The following DOCK10 variants were observed in gnomAD, a reference collection of about 807,000 sequenced individuals.
DOCK10 encodes the protein dedicator of cytokinesis protein 10.
Under a neutral mutation model 280.1 loss-of-function variants are expected in DOCK10, and 145 were observed. The ratio of observed to expected loss-of-function variants is 0.52; its 90% CI spans 0.45 to 0.59. The LOEUF (loss-of-function observed/expected upper bound fraction) is 0.59, where lower values mean the gene tolerates loss of function less well. DOCK10 is among the 20% of genes least tolerant of loss of function. The pLI, the probability that DOCK10 is intolerant of heterozygous loss-of-function variation, is 0.00. For synonymous variants in DOCK10, 915 were observed against 942.2 expected, an observed-to-expected ratio of 0.97 and a Z score of 0.53; for missense variants, 2,368 against 2,651.7, an observed-to-expected ratio of 0.89 and a Z score of 2.35.
intron 1 of DOCK10, among the ~76,000 whole-genome samples, chr2:225,025,185 C>A (rs901756879): frequency 6.6e-6 from 1 of 152,018 alleles, no homozygotes. Flanking sequence ...GAGGAGATAT[C>A]GAGTGAGAAG....
Position 224,852,284 on chromosome 2 carries a change from A to G in DOCK10, c.2142+93T>C, listed in dbSNP as rs1433903490. 10 of 931,546 alleles carry G rather than the reference A, an allele frequency of 1.1e-5. No homozygotes were observed. The Admixed American group carries it at 1.6e-4, about 15-fold the overall frequency. 57.7% of individuals were successfully genotyped at this position (931,546 alleles called of 1,614,324 possible). A position where few individuals can be genotyped will look rare whatever the true frequency, so the allele number is the denominator to read the frequency against. ...AATGTATTAAATTACTGCTCTTTCA[A>G]CCACACTCACATAAAAAGCCCTGCA... On this transcript the variant is annotated intron_variant, in intron 18 of 55. Transcript: ENST00000258390.
intron 55 of DOCK10, among the ~76,000 whole-genome samples, chr2:224,766,944 C>T (rs1245152260): frequency 6.6e-6 from 1 of 152,186 alleles, no homozygotes; most frequent in Non-Finnish European, 1.5e-5. Context: ...TGTCTTGTCT[C>T]GTTCCTTATA....
At chr2:224,992,324 C>T (rs549704342) in intron 1 of DOCK10, among the ~76,000 whole-genome samples, 7 of 152,168 alleles carry the variant, frequency 4.6e-5, no homozygotes, top group Non-Finnish European at 1.0e-4. Context: ...GAATTGCTTT[C>T]CAAACATGAA....
chr2:225,007,483 G>A (rs16866456), intron 1 of DOCK10, among the ~76,000 whole-genome samples: 5,315 of 152,214 alleles, frequency 0.035, 196 homozygotes, highest in African/African-American at 0.095. Context: ...TGTACTTTAA[G>A]GAGGATTAAA....
Position 224,767,510 on chromosome 2 carries a change from C to A in DOCK10, c.6445-1673G>T, listed in dbSNP as rs564779002. ...CCCTGGGATTAAAGAAGTATGTAGACAACTTCTATGTTTTTTTAAAGACTA... is the reference window on the plus strand; with the variant it reads ...CCCTGGGATTAAAGAAGTATGTAGAAAACTTCTATGTTTTTTTAAAGACTA... On this transcript the variant is annotated intron_variant, in intron 55 of 55. Transcript: ENST00000258390. 9.7e-4 allele frequency among the ~76,000 whole-genome samples: 147 copies of A among 152,260 alleles called. 1 individual carries two copies. The highest frequency in any genetic ancestry group is 3.4e-3 in the African/African-American group (143 of 41,542).
At chr2:224,876,013 G>A in intron 8 of DOCK10, 25 bp downstream of exon 8, 1 of 1,601,040 alleles carries the variant, frequency 6.2e-7, no homozygotes. Flanking sequence ...GACAAAGGAA[G>A]GAAGACGGCT....
chr2:224,923,651 C>T (rs1575065763), intron 2 of DOCK10, among the ~76,000 whole-genome samples: 1 of 152,194 alleles, frequency 6.6e-6, no homozygotes, highest in African/African-American at 2.4e-5. Flanking sequence ...CAGCTCTCAC[C>T]GGCTCCATCC....
chr2:225,035,564 AT>A (rs1559986394), intron 1 of DOCK10, among the ~76,000 whole-genome samples: 4 of 55,656 alleles, frequency 7.2e-5, no homozygotes, highest in East Asian at 6.5e-4. Flanking sequence ...ATATATATAT[AT>A]ATATATATAT....
In DOCK10 at chr2:224,880,394, AT is replaced by A. The variant is rs1210782623; in HGVS notation, c.748-4174del. 2.0e-5 allele frequency among the ~76,000 whole-genome samples: 3 copies of A among 152,318 alleles called. No homozygotes were observed. In the East Asian group the frequency reaches 5.8e-4, roughly 29 times the overall value. On this transcript the variant is annotated intron_variant, in intron 7 of 55. Transcript: ENST00000258390. ...TGTCTGTAATCTCAAAGATAATGTC[AT>A]ATAGAATAGCAAAAAGGGCAAAAAT...
At chr2:225,024,242 T>A (rs915041005) in intron 1 of DOCK10, among the ~76,000 whole-genome samples, 1 of 152,236 alleles carries the variant, frequency 6.6e-6, no homozygotes, top group Non-Finnish European at 1.5e-5. Flanking sequence ...CAATAGTGGG[T>A]TAATTGTCAA....
chr2:224,901,821 C>T (rs1700316351), intron 3 of DOCK10, among the ~76,000 whole-genome samples: 4 of 152,332 alleles, frequency 2.6e-5, no homozygotes, highest in Admixed American at 1.3e-4. Flanking sequence ...TGACCATGAA[C>T]GGAGAGCCTT....
At chr2:225,013,260 T>C (rs1359762720) in intron 1 of DOCK10, among the ~76,000 whole-genome samples, 2 of 152,146 alleles carry the variant, frequency 1.3e-5, no homozygotes, top group African/African-American at 4.8e-5. Context: ...AAATTTTCAG[T>C]ACCCTATAGG....
At chr2:224,942,645 A>G (rs1212722433) in intron 1 of DOCK10, among the ~76,000 whole-genome samples, 1 of 152,238 alleles carries the variant, frequency 6.6e-6, no homozygotes, top group Non-Finnish European at 1.5e-5. Context: ...AAGATTCAAG[A>G]AGAAAAAACT....
chr2:225,032,596 T>C lies in DOCK10; in HGVS notation c.123+9656A>G, dbSNP rs190613559. On this transcript the variant is annotated intron_variant, in intron 1 of 55. Transcript: ENST00000258390. ...ACATAAAAAACAAAAAATAAATGTCTTTAAATATTAGTTCTCCACATTTGC... is the reference window on the plus strand; with the variant it reads ...ACATAAAAAACAAAAAATAAATGTCCTTAAATATTAGTTCTCCACATTTGC... Among the ~76,000 whole-genome samples, 6 of 152,350 alleles carry C rather than the reference T, an allele frequency of 3.9e-5. No individual in the cohort carries two copies. In the South Asian group the frequency reaches 1.0e-3, roughly 26 times the overall value.
Position 224,874,651 on chromosome 2 carries a change from T to C in DOCK10, c.1017+15A>G. 4 of 1,611,818 alleles carry C rather than the reference T, an allele frequency of 2.5e-6. No homozygotes were observed. Among genetic ancestry groups the C allele is most frequent in the East Asian group, 2.2e-5 (1 of 44,868 alleles). On this transcript the variant is annotated intron_variant, in intron 9 of 55. Coordinates refer to ENST00000258390, the MANE Select transcript of DOCK10 (RefSeq NM_014689.3). ...ATTCAAATTGGTTTTGCAAGTACAA[T>C]GCCAACTTTATTACCTTTGCAAAGT...
At chr2:225,018,990 A>AT (rs149132721) in intron 1 of DOCK10, among the ~76,000 whole-genome samples, 5 of 126,510 alleles carry the variant, frequency 4.0e-5, no homozygotes, top group Non-Finnish European at 6.9e-5. Flanking sequence ...ACATATATAG[A>AT]TTTTTTTTAC....
chr2:224,770,845 TAACAAACTTCCCA>T lies in DOCK10; in HGVS notation c.6205-213_6205-201del, dbSNP rs1690389644. 6.6e-6 allele frequency among the ~76,000 whole-genome samples: 1 copy of T among 152,044 alleles called. No individual in the cohort carries two copies. Among genetic ancestry groups the T allele is most frequent in the Admixed American group, 6.6e-5 (1 of 15,246 alleles). On this transcript the variant is annotated intron_variant, in intron 53 of 55. Transcript: ENST00000258390. This position sits in a 1 kb window ranked among gnomAD's most constrained non-coding sequence, Gnocchi z 4.5. ...CATGAGTCTGAGCTCCACCTTTCAC[TAACAAACTTCCCA>T]AATTTCAGTCCTTTGCCAACCCCTT...
chr2:224,951,312 A>T (rs1045410086), intron 1 of DOCK10, among the ~76,000 whole-genome samples: 3 of 152,206 alleles, frequency 2.0e-5, no homozygotes, highest in Non-Finnish European at 4.4e-5. Context: ...ATTATTGAAC[A>T]TAATGGGTAT....
At chr2:224,790,477 G>T (rs1692100393) in intron 47 of DOCK10, among the ~76,000 whole-genome samples, 4 of 152,130 alleles carry the variant, frequency 2.6e-5, no homozygotes, top group Admixed American at 2.6e-4. Context: ...TGCTTTTTAA[G>T]TTATAGCTAA....
Sources: allele counts gnomAD v4.1 joint callset (sites outside exome capture counted in the v4.1 genomes callset), GRCh38; gene constraint gnomAD v4.1.1; non-coding constraint Gnocchi (gnomAD v3.1); transcripts MANE v1.5; gene names NCBI Gene and HGNC (gene_info 2026-07-23, HGNC 2026-07-21).